Variants in ITFG1 observed in about 807,000 individuals in gnomAD.
ITFG1 encodes integrin alpha FG-GAP repeat containing 1, also known as T-cell immunomodulatory protein.
ITFG1 carries 34 observed loss-of-function variants against 81.8 expected under a neutral mutation model. That is an observed-to-expected ratio of 0.42 (90% CI 0.32 to 0.55). The LOEUF is 0.55. ITFG1 is among the 20% of genes least tolerant of loss of function. The pLI, the probability that ITFG1 is intolerant of heterozygous loss-of-function variation, is 0.17. For missense variants in ITFG1, 672 were observed against 755.4 expected, an observed-to-expected ratio of 0.89 and a Z score of 1.29; for synonymous variants, 285 against 270.6, an observed-to-expected ratio of 1.05 and a Z score of -0.52.
intron 8 of ITFG1, among the ~76,000 whole-genome samples, chr16:47,331,925 T>C (rs1043609868): frequency 6.6e-6 from 1 of 152,188 alleles, no homozygotes; most frequent in Non-Finnish European, 1.5e-5. Flanking sequence ...TGATCACCTA[T>C]GAAACAGCTA....
Position 47,260,100 on chromosome 16 carries a change from G to A in ITFG1, c.1221+445C>T, listed in dbSNP as rs192955296. Among the ~76,000 whole-genome samples, 175 of 152,020 alleles carry A rather than the reference G, an allele frequency of 1.2e-3. 1 individual carries two copies. The highest frequency in any genetic ancestry group is 3.4e-3 in the Middle Eastern group (1 of 294). ...ACTACAGGCACACGCCACCACGCCC[G>A]GCTAATTTTTGTATTTTTAGTAGAG... On this transcript the variant is annotated intron_variant, in intron 11 of 17. Transcript: ENST00000320640.
chr16:47,331,352 G>A (rs1229368875), intron 8 of ITFG1, among the ~76,000 whole-genome samples: 2 of 152,080 alleles, frequency 1.3e-5, no homozygotes, highest in Non-Finnish European at 2.9e-5. Context: ...GAGGGCAAGG[G>A]CTGAAAAACT....
chr16:47,436,888 A>G (rs931610395), intron 5 of ITFG1, among the ~76,000 whole-genome samples: 3 of 152,182 alleles, frequency 2.0e-5, no homozygotes, highest in African/African-American at 4.8e-5. Context: ...AGGCATTACA[A>G]ACGTTTATCA....
intron 5 of ITFG1, among the ~76,000 whole-genome samples, chr16:47,445,634 C>T (rs569776954): frequency 1.3e-5 from 2 of 152,302 alleles, no homozygotes; most frequent in African/African-American, 4.8e-5. Flanking sequence ...AGTCTATCAT[C>T]TACTAACTCC....
chr16:47,423,499 C>G (rs1274375336), intron 6 of ITFG1, among the ~76,000 whole-genome samples: 1 of 152,042 alleles, frequency 6.6e-6, no homozygotes, highest in East Asian at 1.9e-4. Flanking sequence ...TTATTTTGCC[C>G]GTTAATTGAT....
At chr16:47,243,346 A>G (rs1277464814) in intron 12 of ITFG1, among the ~76,000 whole-genome samples, 1 of 152,190 alleles carries the variant, frequency 6.6e-6, no homozygotes, top group East Asian at 1.9e-4. Context: ...ATACTCTTGT[A>G]GTTTTTAATA....
intron 10 of ITFG1, among the ~76,000 whole-genome samples, chr16:47,302,293 T>G (rs1188485393): frequency 6.6e-6 from 1 of 152,120 alleles, no homozygotes; most frequent in Non-Finnish European, 1.5e-5. Flanking sequence ...TCTTTTAAAA[T>G]AAGTCATAAG....
intron 10 of ITFG1, among the ~76,000 whole-genome samples, chr16:47,300,897 C>T (rs1484877950): frequency 6.6e-6 from 1 of 152,146 alleles, no homozygotes; most frequent in Non-Finnish European, 1.5e-5. Context: ...TGAACTGGAT[C>T]TACTTCTAAT....
chr16:47,436,966 T>C (rs1178086885), intron 5 of ITFG1, among the ~76,000 whole-genome samples: 1 of 152,222 alleles, frequency 6.6e-6, no homozygotes, highest in Admixed American at 6.5e-5. Context: ...TAGAGGCACC[T>C]CATTTAATCA....
At chr16:47,226,828 A>T (rs1322410050) in intron 13 of ITFG1, among the ~76,000 whole-genome samples, 1 of 152,058 alleles carries the variant, frequency 6.6e-6, no homozygotes, top group Non-Finnish European at 1.5e-5. Flanking sequence ...GTAATAACAT[A>T]AAGCAATGCC....
intron 5 of ITFG1, among the ~76,000 whole-genome samples, chr16:47,443,459 T>C (rs995656250): frequency 1.3e-5 from 2 of 152,194 alleles, no homozygotes; most frequent in African/African-American, 4.8e-5. Flanking sequence ...GTATGTTTAT[T>C]GCGACACTAT....
chr16:47,197,798 A>C (rs1187384168), intron 14 of ITFG1, among the ~76,000 whole-genome samples: 1 of 152,206 alleles, frequency 6.6e-6, no homozygotes, highest in Non-Finnish European at 1.5e-5. Context: ...AGATGGAGAG[A>C]GCCTTGGCCA....
At chr16:47,298,481 T>C (rs183216128) in intron 10 of ITFG1, among the ~76,000 whole-genome samples, 113 of 152,318 alleles carry the variant, frequency 7.4e-4, no homozygotes, top group African/African-American at 2.7e-3. Context: ...GGGAAATTTT[T>C]TTTTTTCTCT....
chr16:47,237,976 G>A lies in ITFG1; in HGVS notation c.1363C>T (p.Arg455Cys), dbSNP rs865933401. ...ATAAATTTACTTACTGTTATCTTAC[G>A]AGGACAGTCATTAGAACACAGACCA... ...LSGLCSNDCP[R>C]KITPFGVNQP... is the part of the protein sequence containing the mutation. Residue 455 changes from arginine to cysteine, a missense_variant, in exon 13 of 18, where the codon CGT becomes TGT. Physicochemically the swap from Arg to Cys is radical, Grantham distance 180. This residue lies in a region of ITFG1 where 560 missense variants were observed against 625.7 expected (regional missense o/e 0.90). Coordinates refer to ENST00000320640, the MANE Select transcript of ITFG1 (RefSeq NM_030790.5). The A allele has an allele frequency of 6.2e-6, 9 of 1,444,966 alleles. No individual in the cohort carries two copies. Among genetic ancestry groups the A allele is most frequent in the Non-Finnish European group, 7.6e-6 (8 of 1,056,980 alleles). The allele number at this position is 1,444,966 out of a possible 1,614,324, so 89.5% of individuals were successfully genotyped here. A position where few individuals can be genotyped will look rare whatever the true frequency, so the allele number is the denominator to read the frequency against.
intron 6 of ITFG1, among the ~76,000 whole-genome samples, chr16:47,406,832 G>A (rs1291257021): frequency 6.6e-6 from 1 of 152,216 alleles, no homozygotes; most frequent in Non-Finnish European, 1.5e-5. Flanking sequence ...ATAAAGATGT[G>A]AAGAAGGTAA....
chr16:47,218,422 A>AT (rs1295334648), intron 14 of ITFG1: 1 of 151,886 alleles, frequency 6.6e-6, no homozygotes, highest in Non-Finnish European at 1.5e-5. Flanking sequence ...TTTTTTCTTT[A>AT]TAATAATATA....
rs189662861 is a variant in ITFG1, at chr16:47,269,316, A to G, written c.1071-8621T>C. ...CAGTAAGTTTGGCTAGGTGGCAGAT[A>G]TAAATACAATAGTCAAGAACAATGG... is the stretch of plus-strand genomic sequence containing the variant. On this transcript the variant is annotated intron_variant, in intron 10 of 17. Transcript: ENST00000320640. Among the ~76,000 whole-genome samples the G allele has an allele frequency of 5.3e-4, 81 of 152,230 alleles. 1 individual carries two copies. The highest frequency in any genetic ancestry group is 4.4e-3 in the Admixed American group (67 of 15,284).
chr16:47,369,440 G>A (rs910428794), intron 7 of ITFG1, among the ~76,000 whole-genome samples: 1 of 152,198 alleles, frequency 6.6e-6, no homozygotes, highest in Non-Finnish European at 1.5e-5. Flanking sequence ...GGAATGAAAG[G>A]CAACAGTGTT....
intron 5 of ITFG1, among the ~76,000 whole-genome samples, chr16:47,446,888 C>T (rs1195972562): frequency 1.3e-5 from 2 of 149,642 alleles, no homozygotes; most frequent in East Asian, 2.0e-4. Flanking sequence ...TTTGAGATAG[C>T]GTCTCACTCT....
Sources: allele counts gnomAD v4.1 joint callset (sites outside exome capture counted in the v4.1 genomes callset), GRCh38; gene constraint gnomAD v4.1.1; regional missense constraint gnomAD v4.1.1; transcripts MANE v1.5; gene names NCBI Gene and HGNC (gene_info 2026-07-23, HGNC 2026-07-21).